Variants in MEF2A observed in about 807,000 individuals in gnomAD.
MEF2A encodes the protein myocyte-specific enhancer factor 2A.
Under a neutral mutation model 55.8 loss-of-function variants are expected in MEF2A, and 28 were observed. The observed-to-expected ratio is 0.50, with a 90% CI of 0.37 to 0.69. The LOEUF (loss-of-function observed/expected upper bound fraction) is 0.69. Among genes scored for constraint, MEF2A ranks in the 30% least tolerant of loss-of-function variants. The probability of loss-of-function intolerance (pLI) is 0.00; values close to 1 mark genes in which losing one functional copy is unlikely to be tolerated. For missense variants in MEF2A, 528 were observed against 626.2 expected (o/e 0.84, Z 1.67); for synonymous variants, 239 against 227.1 (o/e 1.05, Z -0.47).
intron 9 of MEF2A, among the ~76,000 whole-genome samples, chr15:99,704,111 A>C (rs35043171): frequency 0.054 from 8,214 of 152,326 alleles, 279 homozygotes; most frequent in East Asian, 0.17. Context: ...GTCAGCTGCT[A>C]ATTAAAGGAC....
chr15:99,665,638 T>C (rs1438103920), intron 4 of MEF2A, among the ~76,000 whole-genome samples: 2 of 143,650 alleles, frequency 1.4e-5, no homozygotes, highest in African/African-American at 5.2e-5. Flanking sequence ...ATCATCAGAA[T>C]GAACAGGCAG....
chr15:99,566,756 C>T (rs575809971), intron 1 of MEF2A, among the ~76,000 whole-genome samples: 1 of 152,236 alleles, frequency 6.6e-6, no homozygotes, highest in African/African-American at 2.4e-5. Flanking sequence ...CGGGGTGGAA[C>T]GCTTAGGTAC....
intron 7 of MEF2A, among the ~76,000 whole-genome samples, chr15:99,683,372 G>A (rs542532885): frequency 6.6e-6 from 1 of 152,218 alleles, no homozygotes; most frequent in East Asian, 1.9e-4. Flanking sequence ...GTGAGGGTAA[G>A]GAAGAAAAAA....
At position 99,712,935 on chromosome 15, in the gene MEF2A, G is replaced by A. The variant is rs1249337065; in HGVS notation, c.*164G>A. 3.7e-6 allele frequency: 3 copies of A among 805,446 alleles called. No individual in the cohort carries two copies. Among genetic ancestry groups the A allele is most frequent in the African/African-American group, 1.7e-5 (1 of 57,460 alleles). 49.9% of individuals were successfully genotyped at this position (805,446 alleles called of 1,614,324 possible). A position where few individuals can be genotyped will look rare whatever the true frequency, so the allele number is the denominator to read the frequency against. On this transcript the variant is annotated 3_prime_UTR_variant, in exon 12 of 12. Transcript: ENST00000557942. The surrounding 1 kb of genome is among the most constrained non-coding windows in gnomAD (Gnocchi z 4.1). ...GGTGTGAGTGTGTATGTGTGGGTGTGTGTTACATACACAGAATCAGGCACT... is the reference window on the plus strand; with the variant it reads ...GGTGTGAGTGTGTATGTGTGGGTGTATGTTACATACACAGAATCAGGCACT...
At chr15:99,602,578 G>A (rs1408344641) in intron 2 of MEF2A, among the ~76,000 whole-genome samples, 3 of 151,910 alleles carry the variant, frequency 2.0e-5, no homozygotes, top group South Asian at 2.1e-4. Context: ...GGCTTGGGCC[G>A]CGACCAATTA....
chr15:99,568,559 A>G (rs543988424), intron 1 of MEF2A, among the ~76,000 whole-genome samples: 1 of 152,334 alleles, frequency 6.6e-6, no homozygotes, highest in Admixed American at 6.5e-5. Flanking sequence ...AATTATGGAA[A>G]TGTTTATTAG....
intron 2 of MEF2A, among the ~76,000 whole-genome samples, chr15:99,607,312 G>A (rs1975512527): frequency 1.3e-5 from 2 of 152,058 alleles, no homozygotes; most frequent in African/African-American, 4.8e-5. Flanking sequence ...GATCTGAATT[G>A]TAACTTGAGT....
Position 99,710,710 on chromosome 15 carries a change from G to T in MEF2A, c.1086G>T (p.Val362=). Residue 362 remains valine, a synonymous_variant, in exon 11 of 12, where the codon GTG becomes GTT. Coordinates refer to ENST00000557942, the MANE Select transcript of MEF2A (RefSeq NM_001319206.4). ...NSPGMLSLGQ[V]SAWQQHHLGQ... is the part of the protein sequence containing the mutation. ...CAGGAATGCTGTCGCTGGGACAGGTGTCGGCCTGGCAGCAGCACCACCTAG... is the reference window on the plus strand; with the variant it reads ...CAGGAATGCTGTCGCTGGGACAGGTTTCGGCCTGGCAGCAGCACCACCTAG... The T allele has an allele frequency of 6.2e-6, 10 of 1,613,308 alleles. No individual in the cohort carries two copies. Among genetic ancestry groups the T allele is most frequent in the Non-Finnish European group, 8.5e-6 (10 of 1,179,290 alleles).
intron 3 of MEF2A, among the ~76,000 whole-genome samples, chr15:99,644,329 A>G (rs2045573544): frequency 6.6e-6 from 1 of 152,250 alleles, no homozygotes; most frequent in Admixed American, 6.5e-5. Context: ...GTTTAATTTT[A>G]TCATGCTACA....
chr15:99,702,429 CTTTTTT>C (rs11429799), intron 8 of MEF2A, among the ~76,000 whole-genome samples: 41 of 134,330 alleles, frequency 3.1e-4, no homozygotes, highest in Admixed American at 4.6e-4. Flanking sequence ...AAAAATGTTT[CTTTTTT>C]TTTTTTTTTT....
intron 2 of MEF2A, among the ~76,000 whole-genome samples, chr15:99,616,461 T>G (rs929734894): frequency 3.3e-5 from 5 of 152,166 alleles, no homozygotes; most frequent in African/African-American, 1.2e-4. Flanking sequence ...ATTAAGTCAA[T>G]GAGGTAACAT....
rs552937166 is a variant in MEF2A, at chr15:99,593,883, ATGTTT to A, written c.-224-4535_-224-4531del. Among the ~76,000 whole-genome samples, 468 of 152,240 alleles carry A rather than the reference ATGTTT, an allele frequency of 3.1e-3. 1 individual carries two copies. The highest frequency in any genetic ancestry group is 4.5e-3 in the Admixed American group (69 of 15,280). On this transcript the variant is annotated intron_variant, in intron 1 of 11. Coordinates refer to ENST00000557942, the MANE Select transcript of MEF2A (RefSeq NM_001319206.4). ...TCAGGAGTACCTTCTATTAAAAAAG[ATGTTT>A]TGTTTTGTTTTTAATCACCTATTTG...
chr15:99,679,478 CTATA>C lies in MEF2A; in HGVS notation c.670+4023_670+4026del, dbSNP rs1355751261. On this transcript the variant is annotated intron_variant, in intron 7 of 11. Coordinates refer to ENST00000557942, the MANE Select transcript of MEF2A (RefSeq NM_001319206.4). ...GATAGATACATACTCAAGATTCTAACTATATAAAGTTTGAAAAGCAGGCCAAAAA... is the reference window on the plus strand; with the variant it reads ...GATAGATACATACTCAAGATTCTAACTAAAGTTTGAAAAGCAGGCCAAAAA... Among the ~76,000 whole-genome samples, 10 of 152,146 alleles carry C rather than the reference CTATA, an allele frequency of 6.6e-5. No homozygotes were observed. The East Asian group carries it at 1.7e-3, about 26-fold the overall frequency.
chr15:99,661,847 G>A (rs2048698014), intron 4 of MEF2A, among the ~76,000 whole-genome samples: 1 of 151,660 alleles, frequency 6.6e-6, no homozygotes, highest in Non-Finnish European at 1.5e-5. Flanking sequence ...GTCCACAGCA[G>A]CATTTTTATA....
At chr15:99,615,939 A>G (rs980704155) in intron 2 of MEF2A, among the ~76,000 whole-genome samples, 4 of 152,200 alleles carry the variant, frequency 2.6e-5, no homozygotes, top group African/African-American at 7.2e-5. Context: ...AAGATCACTA[A>G]TAGCTATTTA....
At chr15:99,580,558 A>C (rs1364086904) in intron 1 of MEF2A, among the ~76,000 whole-genome samples, 2 of 152,182 alleles carry the variant, frequency 1.3e-5, no homozygotes, top group Non-Finnish European at 2.9e-5. Context: ...AAATGCCCTT[A>C]CTTCATTCTG....
intron 4 of MEF2A, 116 bp downstream of exon 4, chr15:99,645,880 T>C (rs2045885424): frequency 1.4e-6 from 1 of 702,118 alleles, no homozygotes. Flanking sequence ...TATATGTATC[T>C]TTTCTCTAAA....
intron 4 of MEF2A, among the ~76,000 whole-genome samples, chr15:99,652,843 A>C (rs1031524399): frequency 4.6e-5 from 7 of 152,226 alleles, no homozygotes; most frequent in Non-Finnish European, 7.3e-5. Context: ...TACATTTTAA[A>C]TTTATTGTAC....
At chr15:99,662,264 G>T (rs34659454) in intron 4 of MEF2A, among the ~76,000 whole-genome samples, 6,801 of 152,062 alleles carry the variant, frequency 0.045, 167 homozygotes, top group African/African-American at 0.058. Flanking sequence ...ATAATTATTT[G>T]TTGAATTTTA....
Sources: gnomAD v4.1 joint callset for allele counts (sites outside exome capture counted in the v4.1 genomes callset) on GRCh38, gnomAD v4.1.1 for gene constraint, Gnocchi (gnomAD v3.1) non-coding constraint, MANE v1.5 for transcripts, NCBI Gene and HGNC (gene_info 2026-07-23, HGNC 2026-07-21) for gene names.